CHCHD3: variants seen among roughly 807,000 people sequenced by gnomAD.
CHCHD3 encodes the protein coiled-coil-helix-coiled-coil-helix domain containing 3, also known as MICOS complex subunit MIC19.
A neutral mutation model predicts 38.2 loss-of-function variants in CHCHD3; 20 were observed. The ratio of observed to expected loss-of-function variants is 0.52; its 90% confidence interval spans 0.37 to 0.76. CHCHD3 has a LOEUF of 0.76. Ranked by LOEUF, CHCHD3 falls within the 30% of genes least tolerant of loss-of-function variation. The pLI, the probability that CHCHD3 is intolerant of heterozygous loss-of-function variation, is 0.00. For missense variants in CHCHD3, 245 were observed against 279.2 expected (o/e 0.88, Z 0.87); for synonymous variants, 82 against 100.0 (o/e 0.82, Z 1.07).
chr7:132,831,154 A>G (rs562094609), intron 6 of CHCHD3, among the ~76,000 whole-genome samples: 1 of 152,326 alleles, frequency 6.6e-6, no homozygotes, highest in African/African-American at 2.4e-5. Flanking sequence ...TCTTTATAAT[A>G]CAATAACTCT....
intron 5 of CHCHD3, among the ~76,000 whole-genome samples, chr7:132,883,252 G>T (rs901731019): frequency 6.6e-6 from 1 of 152,182 alleles, no homozygotes; most frequent in Admixed American, 6.5e-5. Flanking sequence ...AGGTATAGAA[G>T]TAAAACAATT....
At chr7:132,800,991 GCA>G (rs1359588526) in intron 6 of CHCHD3, among the ~76,000 whole-genome samples, 1 of 152,112 alleles carries the variant, frequency 6.6e-6, no homozygotes, top group African/African-American at 2.4e-5. Context: ...AATTCCTATA[GCA>G]CAATGCAAAA....
chr7:133,052,400 A>T (rs1176117165), intron 2 of CHCHD3, among the ~76,000 whole-genome samples: 4 of 152,200 alleles, frequency 2.6e-5, no homozygotes, highest in Non-Finnish European at 5.9e-5. Flanking sequence ...AACCACCACC[A>T]TCATACTTGA....
At chr7:133,001,733 G>GA (rs1023243297) in intron 3 of CHCHD3, among the ~76,000 whole-genome samples, 1 of 151,808 alleles carries the variant, frequency 6.6e-6, no homozygotes, top group African/African-American at 2.4e-5. Context: ...ATAAAGCCAA[G>GA]AAAAAATGAA....
intron 1 of CHCHD3, among the ~76,000 whole-genome samples, 159 bp from the exon 2 acceptor site, chr7:133,070,388 T>A (rs1814785503): frequency 6.6e-6 from 1 of 152,174 alleles, no homozygotes; most frequent in Non-Finnish European, 1.5e-5. Context: ...GAAGGAAGAA[T>A]AATTTTAAGA....
chr7:132,847,857 A>C lies in CHCHD3; in HGVS notation c.454-9388T>G, dbSNP rs1808119718. Reference sequence around the variant, plus strand: ...TCAAAGAGGTCATAAGAAAAATGTAACTGGCTCTTGTCAGTTCTTTTATAG... The same window carrying C: ...TCAAAGAGGTCATAAGAAAAATGTACCTGGCTCTTGTCAGTTCTTTTATAG... On this transcript the variant is annotated intron_variant, in intron 5 of 7. Coordinates refer to ENST00000262570, the MANE Select transcript of CHCHD3 (RefSeq NM_017812.4). 2.6e-5 allele frequency among the ~76,000 whole-genome samples: 4 copies of C among 152,336 alleles called. No homozygotes were observed. The Middle Eastern group carries it at 0.01, about 389-fold the overall frequency.
chr7:132,934,101 A>G (rs535147610), intron 4 of CHCHD3, among the ~76,000 whole-genome samples: 1 of 152,348 alleles, frequency 6.6e-6, no homozygotes, highest in East Asian at 1.9e-4. Context: ...TCTCTACAGC[A>G]GCCAAGGCTG....
intron 4 of CHCHD3, among the ~76,000 whole-genome samples, chr7:132,888,885 G>T (rs147355961): frequency 7.0e-4 from 107 of 152,160 alleles, no homozygotes; most frequent in African/African-American, 2.3e-3. Context: ...GAGCAGAAGG[G>T]AGGGACAGAG....
intron 4 of CHCHD3, among the ~76,000 whole-genome samples, chr7:132,970,142 A>G (rs1309233166): frequency 3.3e-5 from 5 of 152,146 alleles, no homozygotes; most frequent in African/African-American, 2.4e-5. Context: ...AACTGCCACA[A>G]TGATTCCCAC....
intron 4 of CHCHD3, among the ~76,000 whole-genome samples, chr7:132,917,927 T>A (rs1039803582): frequency 6.7e-6 from 1 of 149,350 alleles, no homozygotes; most frequent in African/African-American, 2.5e-5. Context: ...CATAAAAGCA[T>A]GTTTAAGAGG....
chr7:132,963,087 T>C (rs1350236938), intron 4 of CHCHD3, among the ~76,000 whole-genome samples: 2 of 150,828 alleles, frequency 1.3e-5, no homozygotes, highest in Non-Finnish European at 3.0e-5. Flanking sequence ...GAGGCAGAAG[T>C]ATTAAGAGGT....
intron 3 of CHCHD3, among the ~76,000 whole-genome samples, chr7:132,979,915 T>C (rs1396831681): frequency 6.6e-6 from 1 of 152,224 alleles, no homozygotes; most frequent in Non-Finnish European, 1.5e-5. Context: ...GTTTCCTCTT[T>C]CAATGGTTCC....
chr7:132,802,402 G>A (rs1034023856), intron 6 of CHCHD3, among the ~76,000 whole-genome samples: 1 of 152,094 alleles, frequency 6.6e-6, no homozygotes, highest in Non-Finnish European at 1.5e-5. Context: ...CTTGCCAACT[G>A]CACCAAACCC....
intron 4 of CHCHD3, among the ~76,000 whole-genome samples, chr7:132,915,333 G>A (rs1482071166): frequency 6.6e-6 from 1 of 152,104 alleles, no homozygotes; most frequent in Non-Finnish European, 1.5e-5. Context: ...CAGTTAGGGG[G>A]CAGAAACACA....
Position 133,021,445 on chromosome 7 carries a change from TC to T in CHCHD3, c.251+3100del, listed in dbSNP as rs370832132. ...ACACAGTTTTAGAAACATCCAGTTCTCCCCTTGCTAATGGTTTTCTAAGTCT... is the reference window on the plus strand; with the variant it reads ...ACACAGTTTTAGAAACATCCAGTTCTCCCTTGCTAATGGTTTTCTAAGTCT... On this transcript the variant is annotated intron_variant, in intron 3 of 7. Transcript: ENST00000262570. 2.2e-3 allele frequency among the ~76,000 whole-genome samples: 342 copies of T among 152,322 alleles called. 2 individuals are homozygous for T. The highest frequency in any genetic ancestry group is 7.9e-3 in the African/African-American group (329 of 41,574).
chr7:132,922,280 G>A (rs1308722416), intron 4 of CHCHD3, among the ~76,000 whole-genome samples: 2 of 152,112 alleles, frequency 1.3e-5, no homozygotes, highest in African/African-American at 4.8e-5. Flanking sequence ...GAAGGGGGTT[G>A]ACCAAACCTC....
intron 4 of CHCHD3, among the ~76,000 whole-genome samples, chr7:132,934,390 G>A (rs887138990): frequency 2.1e-4 from 32 of 152,164 alleles, no homozygotes; most frequent in Non-Finnish European, 5.9e-5. Flanking sequence ...CTATATCCTA[G>A]AGAAATTCAC....
intron 2 of CHCHD3, among the ~76,000 whole-genome samples, chr7:133,057,537 G>A (rs768520705): frequency 6.6e-6 from 1 of 152,056 alleles, no homozygotes; most frequent in African/African-American, 2.4e-5. Context: ...ACTCCAGCTA[G>A]GGTGATACAG....
At position 132,990,951 on chromosome 7, in the gene CHCHD3, T is replaced by TACACACACACACACACACACACACACAC. The variant is rs768136991; in HGVS notation, c.252-15693_252-15666dup. On this transcript the variant is annotated intron_variant, in intron 3 of 7. Coordinates refer to ENST00000262570, the MANE Select transcript of CHCHD3 (RefSeq NM_017812.4). ...TTCTGCTCCCCTACACAGACACACA[T>TACACACACACACACACACACACACACAC]ACACACACACACACACACACACACA... 1.4e-3 allele frequency among the ~76,000 whole-genome samples: 206 copies of TACACACACACACACACACACACACACAC among 143,784 alleles called. 2 individuals carry two copies. The highest frequency in any genetic ancestry group is 4.5e-3 in the African/African-American group (170 of 37,710). The allele number at this position is 143,784 out of a possible 152,430, so 94.3% of individuals were successfully genotyped here.
Sources: gnomAD v4.1 joint callset for allele counts (sites outside exome capture counted in the v4.1 genomes callset) on GRCh38, gnomAD v4.1.1 for gene constraint, MANE v1.5 for transcripts, NCBI Gene and HGNC (gene_info 2026-07-23, HGNC 2026-07-21) for gene names.